Variants in ERBB4 observed in about 807,000 individuals in gnomAD.
The protein encoded by ERBB4 is erb-b2 receptor tyrosine kinase 4, also known as receptor tyrosine-protein kinase erbB-4.
ERBB4 carries 42 observed loss-of-function variants against 158.0 expected under a neutral mutation model. That is an observed-to-expected ratio of 0.27 (90% CI 0.21 to 0.34). The LOEUF is 0.34. Ranked by LOEUF, ERBB4 falls within the 10% of genes least tolerant of loss-of-function variation. ERBB4 has a pLI of 1.00. For missense variants in ERBB4, 1,333 were observed against 1,624.1 expected (o/e 0.82, Z 3.08); for synonymous variants, 583 against 558.7 (o/e 1.04, Z -0.61).
At chr2:212,089,807 C>T (rs2078720833) in intron 2 of ERBB4, among the ~76,000 whole-genome samples, 2 of 152,124 alleles carry the variant, frequency 1.3e-5, no homozygotes, top group South Asian at 2.1e-4. Flanking sequence ...GGAAATAATA[C>T]ATCTTTACTC....
At chr2:211,875,541 T>C (rs1233428114) in intron 3 of ERBB4, among the ~76,000 whole-genome samples, 1 of 152,190 alleles carries the variant, frequency 6.6e-6, no homozygotes, top group Non-Finnish European at 1.5e-5. Flanking sequence ...GGTGGTCTCA[T>C]AAGATTTTAA....
At chr2:211,622,245 TGA>T (rs2125853192) in intron 18 of ERBB4, among the ~76,000 whole-genome samples, 1 of 152,298 alleles carries the variant, frequency 6.6e-6, no homozygotes, top group South Asian at 2.1e-4. Flanking sequence ...TGATACAGTC[TGA>T]GTCTGTTTTT....
At chr2:212,379,598 T>C (rs1444859896) in intron 1 of ERBB4, among the ~76,000 whole-genome samples, 1 of 151,616 alleles carries the variant, frequency 6.6e-6, no homozygotes, top group Non-Finnish European at 1.5e-5. Flanking sequence ...AAGAAGTCCA[T>C]TTCCACAGCT....
intron 1 of ERBB4, among the ~76,000 whole-genome samples, chr2:212,248,154 T>C (rs1456888083): frequency 6.6e-6 from 1 of 152,100 alleles, no homozygotes; most frequent in Non-Finnish European, 1.5e-5. Context: ...ATTAAAATAA[T>C]TTAAAATATA....
chr2:211,522,729 C>T (rs1340630631), intron 20 of ERBB4, among the ~76,000 whole-genome samples: 1 of 152,132 alleles, frequency 6.6e-6, no homozygotes, highest in Non-Finnish European at 1.5e-5. Context: ...AAGATTCTGA[C>T]TCACTAAAGG....
intron 1 of ERBB4, among the ~76,000 whole-genome samples, chr2:212,520,557 A>C (rs1692098949): frequency 6.6e-6 from 1 of 151,980 alleles, no homozygotes; most frequent in Non-Finnish European, 1.5e-5. Flanking sequence ...GCTGAATAAG[A>C]TAATGACATG....
intron 3 of ERBB4, among the ~76,000 whole-genome samples, chr2:211,842,568 G>T (rs1043911576): frequency 1.3e-5 from 2 of 151,538 alleles, no homozygotes; most frequent in African/African-American, 4.8e-5. Flanking sequence ...ATCTTTTTCA[G>T]TGCCACATTG....
chr2:212,052,917 A>T (rs1198778082), intron 2 of ERBB4, among the ~76,000 whole-genome samples: 1 of 152,216 alleles, frequency 6.6e-6, no homozygotes, highest in Non-Finnish European at 1.5e-5. Context: ...CGAATAAAAA[A>T]GCTTTCTTTC....
At chr2:212,295,858 G>T (rs1295434265) in intron 1 of ERBB4, among the ~76,000 whole-genome samples, 2 of 152,014 alleles carry the variant, frequency 1.3e-5, no homozygotes, top group African/African-American at 4.8e-5. Context: ...GAATAAATAC[G>T]TGAATTTTAG....
chr2:211,552,263 C>T (rs1284916923), intron 20 of ERBB4, among the ~76,000 whole-genome samples: 1 of 151,798 alleles, frequency 6.6e-6, no homozygotes, highest in Non-Finnish European at 1.5e-5. Context: ...CCAAATTACA[C>T]TAAACTTTGA....
chr2:211,953,577 C>T (rs899281218), intron 2 of ERBB4, among the ~76,000 whole-genome samples: 1 of 151,208 alleles, frequency 6.6e-6, no homozygotes, highest in African/African-American at 2.4e-5. Flanking sequence ...CCCATTTTGT[C>T]AACCAAAGAG....
At chr2:211,450,515 G>C (rs1250947305) in intron 20 of ERBB4, among the ~76,000 whole-genome samples, 1 of 152,130 alleles carries the variant, frequency 6.6e-6, no homozygotes, top group African/African-American at 2.4e-5. Flanking sequence ...TGCTAGCAAT[G>C]GTGGTGGAGA....
At chr2:212,028,840 A>G (rs903541686) in intron 2 of ERBB4, among the ~76,000 whole-genome samples, 21 of 152,074 alleles carry the variant, frequency 1.4e-4, no homozygotes, top group Non-Finnish European at 2.2e-4. Context: ...TTATGTCTAA[A>G]TGTGAATTTT....
At chr2:211,741,718 C>T (rs2074805693) in intron 5 of ERBB4, among the ~76,000 whole-genome samples, 1 of 152,090 alleles carries the variant, frequency 6.6e-6, no homozygotes, top group Admixed American at 6.6e-5. Context: ...AAGCCCTTGG[C>T]TTGTCATTAA....
chr2:211,443,640 G>A (rs1237215892), intron 20 of ERBB4, among the ~76,000 whole-genome samples: 3 of 152,040 alleles, frequency 2.0e-5, no homozygotes, highest in Non-Finnish European at 1.5e-5. Flanking sequence ...ACATCTGGGG[G>A]AGTGGAATGC....
intron 2 of ERBB4, among the ~76,000 whole-genome samples, chr2:211,959,394 T>C (rs534348577): frequency 6.6e-6 from 1 of 152,112 alleles, no homozygotes; most frequent in South Asian, 2.1e-4. Context: ...TCTTTAAGAG[T>C]AAACCATTTG....
chr2:211,915,102 T>C (rs1384779717), intron 3 of ERBB4, among the ~76,000 whole-genome samples: 1 of 152,170 alleles, frequency 6.6e-6, no homozygotes, highest in African/African-American at 2.4e-5. Context: ...AAGATGTACC[T>C]GTCCAACTAT....
At chr2:212,488,220 T>C (rs1690082403) in intron 1 of ERBB4, among the ~76,000 whole-genome samples, 1 of 152,076 alleles carries the variant, frequency 6.6e-6, no homozygotes, top group South Asian at 2.1e-4. Flanking sequence ...GTGTGACCCT[T>C]GGAATCACCA....
At chr2:211,687,162 A>C (rs1263482410) in intron 12 of ERBB4, among the ~76,000 whole-genome samples, 1 of 150,866 alleles carries the variant, frequency 6.6e-6, no homozygotes, top group Non-Finnish European at 1.5e-5. Flanking sequence ...AAAGTTAGCC[A>C]GGCGTGGTGG....
Sources: gnomAD v4.1 joint callset for allele counts (sites outside exome capture counted in the v4.1 genomes callset) on GRCh38, gnomAD v4.1.1 for gene constraint, MANE v1.5 for transcripts, NCBI Gene and HGNC (gene_info 2026-07-23, HGNC 2026-07-21) for gene names.